LRFN5: variants seen among roughly 807,000 people sequenced by gnomAD.
The protein encoded by LRFN5 is leucine rich repeat and fibronectin type III domain containing 5.
In LRFN5, 24 loss-of-function variants were observed where a neutral mutation model predicts 45.6. The observed-to-expected ratio is 0.53, with a 90% confidence interval of 0.38 to 0.74. The LOEUF (loss-of-function observed/expected upper bound fraction) is 0.74. Ranked by LOEUF, LRFN5 falls within the 30% of genes least tolerant of loss-of-function variation. The pLI, the probability that LRFN5 is intolerant of heterozygous loss-of-function variation, is 0.00. For missense variants in LRFN5, 776 were observed against 861.5 expected (o/e 0.90, Z 1.24); for synonymous variants, 340 against 313.8 (o/e 1.08, Z -0.88).
intron 2 of LRFN5, among the ~76,000 whole-genome samples, chr14:41,828,754 A>C (rs902707548): frequency 6.6e-6 from 1 of 151,970 alleles, no homozygotes; most frequent in Non-Finnish European, 1.5e-5. Flanking sequence ...ACTATTTCTC[A>C]CTTTGAGTAA....
intron 2 of LRFN5, among the ~76,000 whole-genome samples, chr14:41,797,325 A>G (rs1887168290): frequency 6.6e-6 from 1 of 151,742 alleles, no homozygotes; most frequent in Non-Finnish European, 1.5e-5. Flanking sequence ...CTCAGTATTT[A>G]GACAGTTTTC....
chr14:41,830,204 G>A (rs1359794906), intron 2 of LRFN5, among the ~76,000 whole-genome samples: 1 of 151,360 alleles, frequency 6.6e-6, no homozygotes, highest in Admixed American at 6.6e-5. Context: ...TTTTTCAATT[G>A]TAGTAGTGTT....
intron 4 of LRFN5, chr14:41,894,346 T>G: frequency 3.4e-6 from 3 of 871,100 alleles, no homozygotes; most frequent in Non-Finnish European, 4.1e-6. Context: ...CATTTAAAAT[T>G]CCATATTTAA....
chr14:41,758,241 A>G (rs1040727283), intron 1 of LRFN5, among the ~76,000 whole-genome samples: 1 of 152,132 alleles, frequency 6.6e-6, no homozygotes, highest in African/African-American at 2.4e-5. Flanking sequence ...ATGTGGCTTG[A>G]TAAGGATGAC....
intron 2 of LRFN5, among the ~76,000 whole-genome samples, chr14:41,773,500 C>T (rs1179493338): frequency 6.6e-6 from 1 of 152,060 alleles, no homozygotes; most frequent in African/African-American, 2.4e-5. Context: ...CATTAAAATG[C>T]CTTTTTTATT....
chr14:41,721,685 A>C (rs1294665671), intron 1 of LRFN5, among the ~76,000 whole-genome samples: 1 of 152,180 alleles, frequency 6.6e-6, no homozygotes, highest in Non-Finnish European at 1.5e-5. Context: ...AGAATGCTGA[A>C]AAAAGGCTTC....
intron 2 of LRFN5, among the ~76,000 whole-genome samples, chr14:41,808,431 G>A (rs1887610659): frequency 9.7e-6 from 1 of 102,756 alleles, no homozygotes; most frequent in Non-Finnish European, 2.0e-5. Flanking sequence ...AAGGAAGGAA[G>A]AATCGAGGGA....
chr14:41,772,479 C>T (rs1886125502), intron 2 of LRFN5, among the ~76,000 whole-genome samples: 1 of 152,122 alleles, frequency 6.6e-6, no homozygotes, highest in Admixed American at 6.5e-5. Context: ...TATCTGGTTA[C>T]ATGAATTGAG....
At position 41,790,886 on chromosome 14, in the gene LRFN5, A is replaced by G. The variant is rs140106578; in HGVS notation, c.-21+23857A>G. Among the ~76,000 whole-genome samples the G allele has an allele frequency of 2.8e-4, 43 of 151,876 alleles. 1 individual carries two copies. The East Asian group carries it at 7.0e-3, about 25-fold the overall frequency. ...ACTATTTATCTTATAATTGTTGGGCATTATGCACTATACATTCAGCTGTTA... is the reference window on the plus strand; with the variant it reads ...ACTATTTATCTTATAATTGTTGGGCGTTATGCACTATACATTCAGCTGTTA... On this transcript the variant is annotated intron_variant, in intron 2 of 5. Coordinates refer to ENST00000298119, the MANE Select transcript of LRFN5 (RefSeq NM_152447.5).
At chr14:41,857,542 TC>T (rs1889512647) in intron 2 of LRFN5, among the ~76,000 whole-genome samples, 1 of 152,220 alleles carries the variant, frequency 6.6e-6, no homozygotes, top group Non-Finnish European at 1.5e-5. Context: ...TGTTTATAAT[TC>T]TGATTTTTCT....
At chr14:41,764,127 T>TA (rs1305662971) in intron 1 of LRFN5, among the ~76,000 whole-genome samples, 12 of 152,122 alleles carry the variant, frequency 7.9e-5, no homozygotes, top group Non-Finnish European at 1.6e-4. Context: ...ATATATGGAC[T>TA]AAAAAAATAA....
At chr14:41,772,721 T>A (rs954168200) in intron 2 of LRFN5, among the ~76,000 whole-genome samples, 1 of 152,198 alleles carries the variant, frequency 6.6e-6, no homozygotes. Context: ...CTTGATTATC[T>A]TGCCACATAC....
chr14:41,632,489 G>A (rs1484828006), intron 1 of LRFN5, among the ~76,000 whole-genome samples: 1 of 152,062 alleles, frequency 6.6e-6, no homozygotes, highest in African/African-American at 2.4e-5. Flanking sequence ...TTTAATCCCA[G>A]CTACTCGGGA....
At position 41,871,587 on chromosome 14, in the gene LRFN5, T is replaced by TA. The variant is rs34452763; in HGVS notation, c.-20-15006dup. On this transcript the variant is annotated intron_variant, in intron 2 of 5. Coordinates refer to ENST00000298119, the MANE Select transcript of LRFN5 (RefSeq NM_152447.5). ...CTAGGCAACAAGAGCAAAAATCTGT[T>TA]AAAAAAAAAAAAATCCCAAATTTAT... Among the ~76,000 whole-genome samples, 304 of 148,720 alleles carry TA rather than the reference T, an allele frequency of 2.0e-3. 1 individual carries two copies. Among genetic ancestry groups the TA allele is most frequent in the African/African-American group, 4.9e-3 (199 of 40,356 alleles).
In LRFN5 at chr14:41,891,534, A is replaced by C; in HGVS notation, c.1670A>C (p.Asn557Thr). ...ATGATCCGGTATAAGGTTTGCAACA[A>C]TAATGGGCAACACAAGGTCACCAAG... ...ILMIRYKVCN[N>T]NGQHKVTKVS... Residue 557 changes from asparagine to threonine, a missense_variant, in exon 4 of 6, where the codon AAT becomes ACT. Asn to Thr is a moderately conservative substitution (Grantham distance 65, BLOSUM62 0). Transcript: ENST00000298119. The C allele has an allele frequency of 1.9e-6, 3 of 1,614,220 alleles. No homozygotes were observed. The highest frequency in any genetic ancestry group is 2.5e-6 in the Non-Finnish European group (3 of 1,180,042).
intron 1 of LRFN5, among the ~76,000 whole-genome samples, chr14:41,724,575 A>G (rs1883851756): frequency 6.6e-6 from 1 of 152,190 alleles, no homozygotes; most frequent in African/African-American, 2.4e-5. Flanking sequence ...AATTAAAACT[A>G]CAAGGCCATA....
chr14:41,868,887 C>A (rs900618692), intron 2 of LRFN5, among the ~76,000 whole-genome samples: 2 of 152,140 alleles, frequency 1.3e-5, no homozygotes, highest in Admixed American at 1.3e-4. Context: ...CCAGTACCTT[C>A]AAATCCTATA....
At chr14:41,622,213 C>A (rs1374441852) in intron 1 of LRFN5, among the ~76,000 whole-genome samples, 1 of 151,398 alleles carries the variant, frequency 6.6e-6, no homozygotes, top group Non-Finnish European at 1.5e-5. Flanking sequence ...GCCAATATAC[C>A]TTTAGTGAAC....
Position 41,886,645 on chromosome 14 carries a change from A to G in LRFN5, c.20A>G (p.Tyr7Cys). Residue 7 changes from tyrosine (Y) to cysteine (C), a missense_variant, in exon 3 of 6, where the codon TAT (tyrosine) becomes TGT (cysteine). By Grantham distance (194) the Tyr-to-Cys change is radical. Transcript: ENST00000298119. Reference protein sequence around the residue: MEKILFYLFLIGIAVKA... With the variant: MEKILFCLFLIGIAVKA... ...TCTACAATGGAAAAAATTCTTTTTTATCTGTTTCTCATTGGCATAGCAGTG... is the reference window on the plus strand; with the variant it reads ...TCTACAATGGAAAAAATTCTTTTTTGTCTGTTTCTCATTGGCATAGCAGTG... The G allele has an allele frequency of 4.4e-6, 7 of 1,582,004 alleles. No individual in the cohort carries two copies. The highest frequency in any genetic ancestry group is 6.0e-6 in the Non-Finnish European group (7 of 1,169,196).
Sources: allele counts gnomAD v4.1 joint callset (sites outside exome capture counted in the v4.1 genomes callset), GRCh38; gene constraint gnomAD v4.1.1; transcripts MANE v1.5; gene names NCBI Gene and HGNC (gene_info 2026-07-23, HGNC 2026-07-21).